Variants in KCNH1 observed in about 807,000 individuals in gnomAD.
KCNH1 encodes the protein potassium voltage-gated channel subfamily H member 1.
KCNH1 carries 27 observed loss-of-function variants against 69.2 expected under a neutral mutation model. That is an observed-to-expected ratio of 0.39 (90% CI 0.29 to 0.54). The LOEUF (loss-of-function observed/expected upper bound fraction) is 0.54. KCNH1 is among the 20% of genes least tolerant of loss of function. The pLI, the probability that KCNH1 is intolerant of heterozygous loss-of-function variation, is 0.68. For missense variants in KCNH1, 798 were observed against 1,261.6 expected, an observed-to-expected ratio of 0.63 and a Z score of 5.57; for synonymous variants, 456 against 487.7, an observed-to-expected ratio of 0.93 and a Z score of 0.86.
rs561636026 is a variant in KCNH1, at chr1:211,047,674, A to AGT, written c.559-28420_559-28419dup. On this transcript the variant is annotated intron_variant, in intron 5 of 10. Coordinates refer to ENST00000271751, the MANE Select transcript of KCNH1 (RefSeq NM_172362.3). ...TCAAATCAGAATATAGATACAAGTG[A>AGT]GTGTGTGTGTGTGTACATTCTTGTG... is the stretch of plus-strand genomic sequence containing the variant. 2.5e-3 allele frequency among the ~76,000 whole-genome samples: 379 copies of AGT among 151,988 alleles called. 1 individual carries two copies. Among genetic ancestry groups the AGT allele is most frequent in the African/African-American group, 8.1e-3 (337 of 41,504 alleles).
chr1:210,959,016 T>C (rs565314730), intron 6 of KCNH1, among the ~76,000 whole-genome samples: 10 of 152,340 alleles, frequency 6.6e-5, no homozygotes, highest in African/African-American at 2.4e-4. Context: ...ATTTTCAGCT[T>C]TTCTGCTCTG....
At chr1:210,863,448 A>G (rs1686024875) in intron 7 of KCNH1, among the ~76,000 whole-genome samples, 1 of 152,198 alleles carries the variant, frequency 6.6e-6, no homozygotes, top group African/African-American at 2.4e-5. Flanking sequence ...TGGACTTGAC[A>G]TCATATTAAA....
At chr1:210,796,711 T>A (rs560906514) in intron 9 of KCNH1, among the ~76,000 whole-genome samples, 1 of 152,158 alleles carries the variant, frequency 6.6e-6, no homozygotes, top group East Asian at 1.9e-4. Context: ...TTCTTGACTA[T>A]CTCAACTCCA....
chr1:210,924,354 T>A (rs1687524296), intron 6 of KCNH1, among the ~76,000 whole-genome samples: 2 of 152,252 alleles, frequency 1.3e-5, no homozygotes, highest in South Asian at 4.1e-4. Context: ...GTTTGAATTA[T>A]TATAAAATTC....
intron 5 of KCNH1, among the ~76,000 whole-genome samples, chr1:211,023,024 A>G (rs1396140311): frequency 6.6e-6 from 1 of 151,686 alleles, no homozygotes; most frequent in Non-Finnish European, 1.5e-5. Context: ...GGCAGGAGAA[A>G]CACTTGAACC....
intron 7 of KCNH1, among the ~76,000 whole-genome samples, chr1:210,897,318 CTAAG>C (rs1686889946): frequency 6.6e-6 from 1 of 152,194 alleles, no homozygotes; most frequent in Non-Finnish European, 1.5e-5. Flanking sequence ...GAACATAAAA[CTAAG>C]TAGGCGAGGG....
chr1:210,896,323 C>T (rs1296973830), intron 7 of KCNH1, among the ~76,000 whole-genome samples: 2 of 152,016 alleles, frequency 1.3e-5, no homozygotes, highest in Admixed American at 1.3e-4. Flanking sequence ...ACTGACAAAC[C>T]CCTACCATCA....
chr1:210,905,968 C>T (rs1247578818), intron 7 of KCNH1, among the ~76,000 whole-genome samples: 1 of 152,182 alleles, frequency 6.6e-6, no homozygotes, highest in Non-Finnish European at 1.5e-5. Context: ...CAGCGTAAAG[C>T]CCTTACTCCT....
chr1:210,964,408 T>C (rs146107693), intron 6 of KCNH1, among the ~76,000 whole-genome samples: 1 of 152,082 alleles, frequency 6.6e-6, no homozygotes, highest in African/African-American at 2.4e-5. Flanking sequence ...GCTAACAACA[T>C]AATGACAGGA....
intron 10 of KCNH1, among the ~76,000 whole-genome samples, chr1:210,740,629 A>T (rs1183658839): frequency 6.6e-6 from 1 of 151,394 alleles, no homozygotes; most frequent in East Asian, 1.9e-4. Flanking sequence ...GATTTAAAAT[A>T]GTCATCTCCT....
intron 7 of KCNH1, among the ~76,000 whole-genome samples, chr1:210,890,031 T>C (rs562045262): frequency 6.6e-6 from 1 of 152,240 alleles, no homozygotes; most frequent in African/African-American, 2.4e-5. Flanking sequence ...TTCACAGAAT[T>C]AGAAAAAACT....
At chr1:211,091,314 C>T (rs1449941159) in intron 3 of KCNH1, among the ~76,000 whole-genome samples, 1 of 152,048 alleles carries the variant, frequency 6.6e-6, no homozygotes, top group Non-Finnish European at 1.5e-5. Context: ...CCCGAGGTAG[C>T]TGGAATTATA....
intron 10 of KCNH1, among the ~76,000 whole-genome samples, chr1:210,713,376 A>C (rs1317930210): frequency 6.6e-6 from 1 of 152,194 alleles, no homozygotes; most frequent in Non-Finnish European, 1.5e-5. Context: ...TGTCCAAATC[A>C]TGCTTTCAGC....
intron 10 of KCNH1, among the ~76,000 whole-genome samples, chr1:210,697,867 G>A (rs1024054813): frequency 5.3e-5 from 8 of 152,226 alleles, no homozygotes; most frequent in Non-Finnish European, 1.0e-4. Context: ...CCACATCAAT[G>A]CATCTGGGAA....
intron 7 of KCNH1, chr1:210,859,609 T>C: frequency 7.0e-7 from 1 of 1,418,824 alleles, no homozygotes; most frequent in Non-Finnish European, 1.0e-6. Flanking sequence ...TTCATCATCA[T>C]ATTCAGCTTC....
At chr1:211,031,964 T>C (rs567648918) in intron 5 of KCNH1, among the ~76,000 whole-genome samples, 4 of 152,254 alleles carry the variant, frequency 2.6e-5, no homozygotes, top group East Asian at 3.9e-4. Context: ...AAAGAGGAAG[T>C]CAAATTGTCC....
intron 4 of KCNH1, among the ~76,000 whole-genome samples, chr1:211,089,456 A>C (rs1409520504): frequency 6.6e-6 from 1 of 152,254 alleles, no homozygotes. Flanking sequence ...TTTAAAAAAT[A>C]GGATGCGCTG....
intron 5 of KCNH1, among the ~76,000 whole-genome samples, chr1:211,051,851 C>G (rs1467197896): frequency 6.6e-6 from 1 of 152,054 alleles, no homozygotes; most frequent in East Asian, 1.9e-4. Flanking sequence ...ATTAGGGAGG[C>G]TAAGTAACTT....
chr1:210,784,522 A>T (rs1336272436), intron 9 of KCNH1, among the ~76,000 whole-genome samples: 1 of 152,098 alleles, frequency 6.6e-6, no homozygotes, highest in East Asian at 1.9e-4. Flanking sequence ...CTTAACCGAC[A>T]TGTTTTTTTG....
Sources: gnomAD v4.1 joint callset for allele counts (sites outside exome capture counted in the v4.1 genomes callset) on GRCh38, gnomAD v4.1.1 for gene constraint, MANE v1.5 for transcripts, NCBI Gene and HGNC (gene_info 2026-07-23, HGNC 2026-07-21) for gene names.